The following MIR17HG variants were observed in gnomAD, a reference collection of about 807,000 sequenced individuals.
MIR17HG encodes the protein miR-17-92a-1 cluster host gene.
intron 3 of MIR17HG, among the ~76,000 whole-genome samples, chr13:91,353,555 G>C (rs186990016): frequency 6.6e-6 from 1 of 152,180 alleles, no homozygotes; most frequent in South Asian, 2.1e-4. Flanking sequence ...CCAACAAAAA[G>C]CCATGTAAGT....
intron 3 of MIR17HG, chr13:91,350,693 G>A (rs761655406): frequency 5.6e-6 from 3 of 534,000 alleles, no homozygotes; most frequent in Non-Finnish European, 1.2e-5. Flanking sequence ...GGTGACAGCT[G>A]CCTCGGGAAG....
At chr13:91,347,936 AG>A (rs1875045070) in exon 1 of MIR17HG, 1 of 151,170 alleles carries the variant, frequency 6.6e-6, no homozygotes, top group African/African-American at 2.4e-5. Context: ...GGCCAGCCGA[AG>A]ATGGTGGCGG....
intron 1 of MIR17HG, among the ~76,000 whole-genome samples, chr13:91,348,805 G>C (rs542208877): frequency 4.7e-5 from 7 of 150,058 alleles, no homozygotes; most frequent in African/African-American, 7.3e-5. Context: ...CTGCACGGGG[G>C]TGAGGGCGGG....
At chr13:91,349,569 A>C (rs1875180633) in intron 1 of MIR17HG, 3 of 152,202 alleles carry the variant, frequency 2.0e-5, no homozygotes, top group African/African-American at 7.2e-5. Context: ...CTCGACTCTT[A>C]CTCTCACAAA....
intron 1 of MIR17HG, among the ~76,000 whole-genome samples, chr13:91,348,595 G>C (rs1360877391): frequency 6.6e-6 from 1 of 151,186 alleles, no homozygotes. Context: ...CCCGCTCCGC[G>C]TGGGCTTTGT....
intron 3 of MIR17HG, among the ~76,000 whole-genome samples, chr13:91,352,753 AG>A (rs1257199015): frequency 6.6e-6 from 1 of 152,186 alleles, no homozygotes; most frequent in African/African-American, 2.4e-5. Context: ...TTTGAATTGA[AG>A]GAGACCTAAT....
At chr13:91,350,825 G>C in intron 3 of MIR17HG, 3 of 534,814 alleles carry the variant, frequency 5.6e-6, no homozygotes, top group Non-Finnish European at 7.7e-6. Context: ...TCTGGCATAA[G>C]AAGTTATGTA....
chr13:91,352,016 T>C (rs1010997316), intron 3 of MIR17HG: 2 of 152,934 alleles, frequency 1.3e-5, no homozygotes, highest in Admixed American at 1.3e-4. Flanking sequence ...CTTAAAAAAA[T>C]GGGAGTTAGA....
At chr13:91,348,704 G>C (rs1875099254) in intron 1 of MIR17HG, among the ~76,000 whole-genome samples, 1 of 150,618 alleles carries the variant, frequency 6.6e-6, no homozygotes, top group South Asian at 2.1e-4. Context: ...GGAGCCGCCT[G>C]CGCCCGGCCG....
chr13:91,351,113 A>G lies in MIR17HG; in HGVS notation n.284+887A>G, dbSNP rs754002158. 5 of 524,648 alleles carry G rather than the reference A, an allele frequency of 9.5e-6. No individual in the cohort carries two copies. In the East Asian group the frequency reaches 2.8e-4, roughly 29 times the overall value. The allele number at this position is 524,648 out of a possible 1,614,324, so 32.5% of individuals were successfully genotyped here. A position where few individuals can be genotyped will look rare whatever the true frequency, so the allele number is the denominator to read the frequency against. ...CAGGTAGTGTTTAGTTATCTACTGCATTATGAGCACTTAAAGTACTGCTAG... is the reference window on the plus strand; with the variant it reads ...CAGGTAGTGTTTAGTTATCTACTGCGTTATGAGCACTTAAAGTACTGCTAG... On this transcript the variant is annotated intron_variant and non_coding_transcript_variant, in intron 3 of 3. Transcript: ENST00000400282.
intron 1 of MIR17HG, among the ~76,000 whole-genome samples, chr13:91,349,017 G>T (rs2138688821): frequency 6.6e-6 from 1 of 151,110 alleles, no homozygotes; most frequent in African/African-American, 2.4e-5. Flanking sequence ...GCTGCCGCCG[G>T]GAAACGGGTT....
At chr13:91,354,041 C>T (rs902847040) in exon 4 of MIR17HG, 2 of 152,564 alleles carry the variant, frequency 1.3e-5, no homozygotes, top group African/African-American at 4.8e-5. Context: ...AACTCAGTGT[C>T]ACATTAAAGT....
intron 3 of MIR17HG, chr13:91,351,462 C>A: frequency 2.1e-6 from 1 of 473,964 alleles, no homozygotes; most frequent in Non-Finnish European, 4.6e-6. Context: ...GTTAAATGTA[C>A]AAGATACATG....
intron 1 of MIR17HG, among the ~76,000 whole-genome samples, chr13:91,348,779 G>A (rs1421855603): frequency 6.7e-6 from 1 of 150,142 alleles, no homozygotes; most frequent in Non-Finnish European, 1.5e-5. Context: ...CCGCCGCCAT[G>A]TTCCTGCGGG....
chr13:91,352,607 AG>A (rs1875374187), intron 3 of MIR17HG, among the ~76,000 whole-genome samples: 1 of 152,214 alleles, frequency 6.6e-6, no homozygotes, highest in Non-Finnish European at 1.5e-5. Flanking sequence ...TAAGGAACTT[AG>A]CCTTGGATTC....
intron 1 of MIR17HG, among the ~76,000 whole-genome samples, chr13:91,348,928 G>T (rs948640903): frequency 4.4e-4 from 65 of 149,412 alleles, no homozygotes; most frequent in Non-Finnish European, 7.9e-4. Context: ...GGGCTCGGGG[G>T]GGCTGGGGGA....
chr13:91,348,350 G>A (rs1394641977), intron 1 of MIR17HG, among the ~76,000 whole-genome samples: 1 of 150,918 alleles, frequency 6.6e-6, no homozygotes, highest in African/African-American at 2.4e-5. Context: ...CGCGCGGGGC[G>A]TGGGGTCTCT....
chr13:91,352,325 G>A (rs1231696776), intron 3 of MIR17HG: 1 of 152,142 alleles, frequency 6.6e-6, no homozygotes, highest in East Asian at 1.9e-4. Context: ...ATGTGTATTT[G>A]TGTAGAATAA....
intron 3 of MIR17HG, chr13:91,353,891 TTGG>T (rs1875446276): frequency 6.6e-6 from 1 of 152,436 alleles, no homozygotes; most frequent in Non-Finnish European, 1.5e-5. Context: ...TTGCAAAGTG[TTGG>T]TGATTTTACT....
Sources: allele counts gnomAD v4.1 joint callset (sites outside exome capture counted in the v4.1 genomes callset), GRCh38; gene constraint gnomAD v4.1.1; transcripts MANE v1.5; gene names NCBI Gene and HGNC (gene_info 2026-07-23, HGNC 2026-07-21).